The following CYP3A5 variants were observed in gnomAD, a reference collection of about 807,000 sequenced individuals.
CYP3A5 encodes the protein cytochrome P450 family 3 subfamily A member 5, also known as cytochrome P450 3A5.
In CYP3A5, 51 loss-of-function variants were observed where a neutral mutation model predicts 55.9. The ratio of observed to expected loss-of-function variants is 0.91; its 90% CI spans 0.73 to 1.15. CYP3A5 has a LOEUF of 1.15. Ranked by LOEUF, CYP3A5 falls within the 50% of genes most tolerant of loss-of-function variation. The pLI is 0.00. For synonymous variants in CYP3A5, 196 were observed against 213.9 expected (o/e 0.92, Z 0.73); for missense variants, 533 against 596.6 (o/e 0.89, Z 1.11).
At chr7:99,676,071 G>T in intron 2 of CYP3A5, 44 bp downstream of exon 2, 1 of 1,549,320 alleles carries the variant, frequency 6.5e-7, no homozygotes, top group Non-Finnish European at 8.9e-7. Context: ...CTAAGCTGAT[G>T]TTTGCAACCA....
intron 1 of CYP3A5, 69 bp downstream of exon 1, chr7:99,679,757 A>G (rs1268233846): frequency 6.9e-7 from 1 of 1,451,140 alleles, no homozygotes; most frequent in Non-Finnish European, 9.7e-7. Flanking sequence ...AAAACAGATA[A>G]GGGAAAAGGG....
chr7:99,650,867 C>G (rs1809114028), intron 11 of CYP3A5, among the ~76,000 whole-genome samples: 1 of 152,144 alleles, frequency 6.6e-6, no homozygotes, highest in Non-Finnish European at 1.5e-5. Context: ...TGATGCTACC[C>G]TACTGTAGTG....
intron 12 of CYP3A5, among the ~76,000 whole-genome samples, chr7:99,649,055 C>A (rs190976649): frequency 6.6e-6 from 1 of 152,286 alleles, no homozygotes; most frequent in Non-Finnish European, 1.5e-5. Context: ...GGGGGAGCCA[C>A]CAACAGAGTA....
intron 1 of CYP3A5, among the ~76,000 whole-genome samples, chr7:99,678,450 T>C (rs565375826): frequency 6.6e-6 from 1 of 152,238 alleles, no homozygotes; most frequent in Non-Finnish European, 1.5e-5. Flanking sequence ...TAAGCAGGTA[T>C]ATTCGAAAAG....
Position 99,669,863 on chromosome 7 carries a change from G to A in CYP3A5, c.318+2717C>T, listed in dbSNP as rs78457898. On this transcript the variant is annotated intron_variant, in intron 4 of 12. Coordinates refer to ENST00000222982, the MANE Select transcript of CYP3A5 (RefSeq NM_000777.5). ...ATATAGCTACAGATGCTGCCCTGGC[G>A]ATGGTAGGTAAAAGAGAGGGACTTG... 7.9e-5 allele frequency among the ~76,000 whole-genome samples: 12 copies of A among 152,286 alleles called. No homozygotes were observed. The East Asian group carries it at 2.3e-3, about 29-fold the overall frequency.
chr7:99,648,508 A>AAC, intron 12 of CYP3A5, 108 bp from the exon 13 acceptor site: 10 of 445,114 alleles, frequency 2.2e-5, no homozygotes, highest in Admixed American at 3.2e-5. Flanking sequence ...AGCATATAAA[A>AAC]ACGACTCTTA....
chr7:99,650,439 A>G (rs958274051), intron 11 of CYP3A5, among the ~76,000 whole-genome samples: 1 of 152,134 alleles, frequency 6.6e-6, no homozygotes, highest in Non-Finnish European at 1.5e-5. Context: ...TCCATACCCT[A>G]TAGGAGCGTT....
intron 11 of CYP3A5, 74 bp downstream of exon 11, chr7:99,652,479 G>A (rs746620272): frequency 1.5e-4 from 133 of 910,652 alleles, no homozygotes; most frequent in Non-Finnish European, 2.1e-4. Flanking sequence ...CGATTGTCAT[G>A]TAGATTAAGA....
intron 6 of CYP3A5, among the ~76,000 whole-genome samples, chr7:99,666,387 C>T (rs1437383146): frequency 6.6e-6 from 1 of 152,154 alleles, no homozygotes; most frequent in Non-Finnish European, 1.5e-5. Context: ...ATAAGTAAAT[C>T]CTGGCTCCTG....
chr7:99,657,158 C>G (rs1809830045), intron 10 of CYP3A5, among the ~76,000 whole-genome samples: 1 of 152,142 alleles, frequency 6.6e-6, no homozygotes, highest in Admixed American at 6.5e-5. Flanking sequence ...TTCTCTAGTT[C>G]TTTTCATTGT....
rs1810716664 is a variant in CYP3A5 at position 99,664,028 on chromosome 7, T to C, written c.738A>G (p.Ile246Met). Residue 246 changes from isoleucine (I) to methionine (M), a missense_variant, in exon 8 of 13, where the codon ATA (isoleucine) becomes ATG (methionine). Physicochemically the swap from Ile to Met is conservative, Grantham distance 10. Coordinates refer to ENST00000222982, the MANE Select transcript of CYP3A5 (RefSeq NM_000777.5). ...TGTTTACAGATTTACTTAAAAAATTTATGGTATCTTTTGGAAACAGAGAGA... is the reference window on the plus strand; with the variant it reads ...TGTTTACAGATTTACTTAAAAAATTCATGGTATCTTTTGGAAACAGAGAGA... Reference protein sequence around the residue: ...LNVSLFPKDTINFLSKSVNRM... With the variant: ...LNVSLFPKDTMNFLSKSVNRM... The C allele has an allele frequency of 1.9e-6, 3 of 1,602,038 alleles. No individual in the cohort carries two copies. The highest frequency in any genetic ancestry group is 2.7e-5 in the African/African-American group (2 of 74,136).
intron 11 of CYP3A5, among the ~76,000 whole-genome samples, chr7:99,651,045 A>AT (rs1477345100): frequency 1.3e-5 from 2 of 152,210 alleles, no homozygotes; most frequent in African/African-American, 4.8e-5. Flanking sequence ...AGGAGTCTTT[A>AT]TATTTTGGAG....
Position 99,676,199 on chromosome 7 carries a change from G to GGTC in CYP3A5, c.78_80dup (p.Thr27dup). On this transcript the variant is annotated inframe_insertion, in exon 2 of 13. Coordinates refer to ENST00000222982, the MANE Select transcript of CYP3A5 (RefSeq NM_000777.5). ...GTCTCTTAAAAAGTCCATGTGTACG[G>GGTC]GTCCCATATCTACAAAGTGAAACAG... 1 of 1,613,672 alleles carries GGTC rather than the reference G, an allele frequency of 6.2e-7. No individual in the cohort carries two copies. The highest frequency in any genetic ancestry group is 1.1e-5 in the South Asian group (1 of 91,072).
At chr7:99,665,489 G>C (rs540160552) in intron 6 of CYP3A5, among the ~76,000 whole-genome samples, 175 bp from the exon 7 acceptor site, 3 of 152,346 alleles carry the variant, frequency 2.0e-5, no homozygotes, top group African/African-American at 7.2e-5. Context: ...TCTGGTGCCA[G>C]TGATGGAGCT....
Position 99,666,116 on chromosome 7 carries a change from T to C in CYP3A5, c.521+485A>G, listed in dbSNP as rs41301673. Among the ~76,000 whole-genome samples, 1,119 of 152,248 alleles carry C rather than the reference T, an allele frequency of 7.3e-3. 19 individuals are homozygous for C. Among genetic ancestry groups the C allele is most frequent in the African/African-American group, 0.026 (1,065 of 41,530 alleles). On this transcript the variant is annotated intron_variant, in intron 6 of 12. Coordinates refer to ENST00000222982, the MANE Select transcript of CYP3A5 (RefSeq NM_000777.5). ...TTCTAGCACCCTTTCTTTTTTGAGA[T>C]TGGAGGAAAAGGAAGTAGTGGGAAG...
chr7:99,674,564 C>A lies in CYP3A5; in HGVS notation c.187G>T (p.Glu63Ter). ...YRQGLWKFDT[E>*]CYKKYGKMWG... The stretch of plus-strand genomic sequence containing the variant: ...ATTTTTCCATACTTTTTATAGCACT[C>A]TGTGTCAAATTTCCAGAGACCCTGG... Residue 63 changes from glutamate (E) to a stop codon, truncating the protein, a stop_gained, in exon 3 of 13, where the codon GAG becomes TAG. Transcript: ENST00000222982. LOFTEE classifies it high-confidence loss of function. 6.2e-7 allele frequency: 1 copy of A among 1,613,756 alleles called. No homozygotes were observed. Among genetic ancestry groups the A allele is most frequent in the Non-Finnish European group, 8.5e-7 (1 of 1,179,760 alleles).
At chr7:99,654,026 T>G (rs572492945) in intron 10 of CYP3A5, among the ~76,000 whole-genome samples, 1 of 152,128 alleles carries the variant, frequency 6.6e-6, no homozygotes, top group East Asian at 1.9e-4. Flanking sequence ...TCAGCAGAAC[T>G]CACTATCCAG....
intron 12 of CYP3A5, among the ~76,000 whole-genome samples, chr7:99,649,639 G>C (rs1213574275): frequency 1.3e-5 from 2 of 152,160 alleles, no homozygotes; most frequent in African/African-American, 4.8e-5. Context: ...GATGTCACAG[G>C]CATCATGAAT....
chr7:99,669,932 G>A (rs932367456), intron 4 of CYP3A5, among the ~76,000 whole-genome samples: 1 of 152,150 alleles, frequency 6.6e-6, no homozygotes, highest in East Asian at 1.9e-4. Flanking sequence ...ACTCACATTT[G>A]ATGAAGTATT....
Sources: gnomAD v4.1 joint callset for allele counts (sites outside exome capture counted in the v4.1 genomes callset) on GRCh38, gnomAD v4.1.1 for gene constraint, MANE v1.5 for transcripts, NCBI Gene and HGNC (gene_info 2026-07-23, HGNC 2026-07-21) for gene names.